C8orf34: variants seen among roughly 807,000 people sequenced by gnomAD.
C8orf34 encodes chromosome 8 open reading frame 34.
C8orf34 carries 65 observed loss-of-function variants against 68.3 expected under a neutral mutation model. The ratio of observed to expected loss-of-function variants is 0.95; its 90% confidence interval spans 0.78 to 1.17. The LOEUF is 1.17. Ranked by LOEUF, C8orf34 falls within the 50% of genes most tolerant of loss-of-function variation. The pLI, the probability that C8orf34 is intolerant of heterozygous loss-of-function variation, is 0.00. For synonymous variants in C8orf34, 244 were observed against 241.2 expected (o/e 1.01, Z -0.11); for missense variants, 664 against 655.4 (o/e 1.01, Z -0.14).
intron 7 of C8orf34, chr8:68,535,130 T>C: frequency 9.1e-6 from 9 of 985,052 alleles, no homozygotes; most frequent in Non-Finnish European, 8.4e-6. Context: ...ATATTCAATT[T>C]CTTGTTTTTG....
In C8orf34 at chr8:68,410,913, C is replaced by T. The variant is rs565790354; in HGVS notation, c.328-28586C>T. The stretch of plus-strand genomic sequence containing the variant: ...CTTCAATGAATAACACTGATGGCTT[C>T]CCCTTGGTTCTGCTCCTTAGCCTGA... On this transcript the variant is annotated intron_variant, in intron 1 of 13. Transcript: ENST00000518698. 1.5e-4 allele frequency among the ~76,000 whole-genome samples: 23 copies of T among 152,262 alleles called. No individual in the cohort carries two copies. The East Asian group carries it at 4.3e-3, about 28-fold the overall frequency.
At chr8:68,415,894 T>A (rs1032784554) in intron 1 of C8orf34, among the ~76,000 whole-genome samples, 1 of 152,214 alleles carries the variant, frequency 6.6e-6, no homozygotes, top group Admixed American at 6.5e-5. Flanking sequence ...CTTGCTTTTT[T>A]AAAATTTAAA....
chr8:68,458,299 C>T (rs1811638227), intron 3 of C8orf34, among the ~76,000 whole-genome samples: 2 of 152,110 alleles, frequency 1.3e-5, no homozygotes, highest in Admixed American at 1.3e-4. Context: ...TCTCATGATT[C>T]TGTATGTAGA....
chr8:68,637,275 C>T (rs1818874470), intron 7 of C8orf34, among the ~76,000 whole-genome samples: 3 of 152,000 alleles, frequency 2.0e-5, no homozygotes, highest in South Asian at 4.1e-4. Flanking sequence ...TGCATGGTTC[C>T]TATTGCTGGA....
chr8:68,385,482 A>G (rs144845074), intron 1 of C8orf34, among the ~76,000 whole-genome samples: 429 of 152,360 alleles, frequency 2.8e-3, no homozygotes, highest in Non-Finnish European at 5.1e-3. Context: ...TAATAAAATT[A>G]TACAATTTGT....
chr8:68,490,834 A>G (rs1813281590), intron 5 of C8orf34, among the ~76,000 whole-genome samples: 1 of 152,154 alleles, frequency 6.6e-6, no homozygotes, highest in South Asian at 2.1e-4. Flanking sequence ...GAGGAGCAGG[A>G]GAGCCTGTCC....
At chr8:68,598,213 A>C (rs2130476159) in intron 7 of C8orf34, among the ~76,000 whole-genome samples, 1 of 152,290 alleles carries the variant, frequency 6.6e-6, no homozygotes, top group East Asian at 1.9e-4. Flanking sequence ...GAAATAATGC[A>C]GCACAGATCA....
chr8:68,629,985 C>T (rs1818643871), intron 7 of C8orf34, among the ~76,000 whole-genome samples: 1 of 151,818 alleles, frequency 6.6e-6, no homozygotes, highest in Non-Finnish European at 1.5e-5. Flanking sequence ...TTGCATTTAC[C>T]TCATGAATAT....
At chr8:68,509,632 AGGAGTCCCAG>A (rs1187110640) in intron 5 of C8orf34, among the ~76,000 whole-genome samples, 3 of 152,168 alleles carry the variant, frequency 2.0e-5, no homozygotes, top group African/African-American at 7.2e-5. Context: ...CATTTTTTAA[AGGAGTCCCAG>A]GGATTTGGGA....
At chr8:68,775,613 A>C (rs1823492035) in intron 10 of C8orf34, among the ~76,000 whole-genome samples, 1 of 152,214 alleles carries the variant, frequency 6.6e-6, no homozygotes, top group Non-Finnish European at 1.5e-5. Flanking sequence ...TATAAAGGTT[A>C]ATTGTCTGTC....
chr8:68,516,620 C>CTATTTATTTATTTATT (rs200892538), intron 5 of C8orf34, among the ~76,000 whole-genome samples: 16,336 of 150,026 alleles, frequency 0.11, 1,642 homozygotes, highest in African/African-American at 0.26. Flanking sequence ...ACTGGGAATG[C>CTATTTATTTATTTATT]TATTTATTTA....
In C8orf34 at chr8:68,643,058, C is replaced by T. The variant is rs149180983; in HGVS notation, c.1241+2547C>T. Among the ~76,000 whole-genome samples, 679 of 152,276 alleles carry T rather than the reference C, an allele frequency of 4.5e-3. 2 individuals are homozygous for T. The highest frequency in any genetic ancestry group is 7.0e-3 in the Non-Finnish European group (477 of 68,018). ...TTCCTAACAGGCCACAGACCAGTACCGGTTCATGGCCTGGGGGTTGGGGAC... is the reference window on the plus strand; with the variant it reads ...TTCCTAACAGGCCACAGACCAGTACTGGTTCATGGCCTGGGGGTTGGGGAC... On this transcript the variant is annotated intron_variant, in intron 8 of 13. Coordinates refer to ENST00000518698, the MANE Select transcript of C8orf34 (RefSeq NM_052958.4).
chr8:68,756,753 A>G (rs1345649417), intron 10 of C8orf34, among the ~76,000 whole-genome samples: 1 of 152,184 alleles, frequency 6.6e-6, no homozygotes, highest in Non-Finnish European at 1.5e-5. Flanking sequence ...TGTACACGAA[A>G]ACATGCCAAA....
intron 7 of C8orf34, among the ~76,000 whole-genome samples, chr8:68,556,877 T>C (rs191059133): frequency 6.7e-4 from 102 of 152,322 alleles, no homozygotes; most frequent in African/African-American, 2.1e-3. Context: ...TAGCCATATA[T>C]ACTCCCTTTT....
intron 1 of C8orf34, among the ~76,000 whole-genome samples, chr8:68,368,952 G>A (rs901296784): frequency 6.6e-6 from 1 of 152,170 alleles, no homozygotes; most frequent in Non-Finnish European, 1.5e-5. Flanking sequence ...ATAGTAAGAT[G>A]TATATGTAAC....
chr8:68,334,482 G>A (rs1805762159), intron 1 of C8orf34, among the ~76,000 whole-genome samples: 1 of 151,440 alleles, frequency 6.6e-6, no homozygotes, highest in Non-Finnish European at 1.5e-5. Context: ...GTATGTTTGT[G>A]TACACACACA....
chr8:68,448,099 T>A (rs1004320024), intron 3 of C8orf34: 5 of 152,156 alleles, frequency 3.3e-5, no homozygotes, highest in African/African-American at 1.2e-4. Context: ...TTCAAAACCT[T>A]AGGAGATTAG....
chr8:68,721,256 A>G, intron 9 of C8orf34, 105 bp from the exon 10 acceptor site: 1 of 699,138 alleles, frequency 1.4e-6, no homozygotes. Context: ...GATTTTTTCA[A>G]CACCCAATTC....
intron 7 of C8orf34, among the ~76,000 whole-genome samples, chr8:68,636,339 G>A (rs897660746): frequency 1.3e-5 from 2 of 152,108 alleles, no homozygotes; most frequent in African/African-American, 4.8e-5. Context: ...ACTTTGTGAG[G>A]GCAAGGTGGG....
Sources: gnomAD v4.1 joint callset for allele counts (sites outside exome capture counted in the v4.1 genomes callset) on GRCh38, gnomAD v4.1.1 for gene constraint, MANE v1.5 for transcripts, NCBI Gene and HGNC (gene_info 2026-07-23, HGNC 2026-07-21) for gene names.